Variants in ULK4 observed in about 807,000 individuals in gnomAD.
ULK4 encodes inactive serine/threonine-protein kinase ULK4.
A neutral mutation model predicts 160.6 loss-of-function variants in ULK4; 133 were observed. The observed-to-expected ratio is 0.83, with a 90% confidence interval of 0.72 to 0.96. The LOEUF is 0.96. Ranked by LOEUF, ULK4 falls within the 40% of genes least tolerant of loss-of-function variation. The pLI is 0.00. For synonymous variants in ULK4, 534 were observed against 539.8 expected (o/e 0.99, Z 0.15); for missense variants, 1,580 against 1,499.5 (o/e 1.05, Z -0.89).
chr3:41,446,179 C>T (rs1266372926), intron 34 of ULK4, among the ~76,000 whole-genome samples: 2 of 152,078 alleles, frequency 1.3e-5, no homozygotes, highest in African/African-American at 4.8e-5. Flanking sequence ...CAATGAGATA[C>T]CATCTCACAC....
chr3:41,785,570 C>T (rs73071344), intron 21 of ULK4, among the ~76,000 whole-genome samples: 20,784 of 152,040 alleles, frequency 0.14, 1,534 homozygotes, highest in Middle Eastern at 0.27. Context: ...AATATATGAG[C>T]GTCAATCCCG....
intron 17 of ULK4, among the ~76,000 whole-genome samples, chr3:41,847,847 T>G (rs1052577387): frequency 2.0e-5 from 3 of 152,200 alleles, no homozygotes; most frequent in Admixed American, 6.5e-5. Flanking sequence ...CTTCAAACTC[T>G]TGGTTTCACA....
chr3:41,438,806 G>C (rs1421113447), intron 34 of ULK4, among the ~76,000 whole-genome samples: 2 of 151,850 alleles, frequency 1.3e-5, no homozygotes, highest in African/African-American at 4.8e-5. Context: ...CTCTAGCCTG[G>C]GCAACAGAAT....
intron 2 of ULK4, among the ~76,000 whole-genome samples, chr3:41,952,391 CT>C (rs1700321229): frequency 6.6e-6 from 1 of 152,094 alleles, no homozygotes; most frequent in Admixed American, 6.6e-5. Context: ...GGGCAGAGGA[CT>C]TACAGAAATG....
At chr3:41,932,610 G>A (rs1251599149) in intron 4 of ULK4, among the ~76,000 whole-genome samples, 1 of 152,238 alleles carries the variant, frequency 6.6e-6, no homozygotes, top group Non-Finnish European at 1.5e-5. Flanking sequence ...AAGTGCTCAA[G>A]TCTGCTAATA....
chr3:41,300,550 A>C (rs2079764518), intron 35 of ULK4, among the ~76,000 whole-genome samples: 1 of 151,968 alleles, frequency 6.6e-6, no homozygotes, highest in South Asian at 2.1e-4. Flanking sequence ...TATAGTTGCT[A>C]AACACTACCC....
intron 35 of ULK4, among the ~76,000 whole-genome samples, chr3:41,328,173 T>C (rs937287746): frequency 1.3e-5 from 2 of 152,198 alleles, no homozygotes; most frequent in East Asian, 1.9e-4. Context: ...AACCTACTCC[T>C]GTCGAACATT....
At position 41,831,711 on chromosome 3, in the gene ULK4, CCT is replaced by C. The variant is rs746891442; in HGVS notation, c.1764+4151_1764+4152del. ...TTCTCCCTCCCCTTGCTCCCCATCC[CCT>C]GACAGGCCCCCATGTGTGTTGTTCC... On this transcript the variant is annotated intron_variant, in intron 18 of 36. Transcript: ENST00000301831. Among the ~76,000 whole-genome samples, 18 of 151,982 alleles carry C rather than the reference CCT, an allele frequency of 1.2e-4. No individual in the cohort carries two copies. In the East Asian group the frequency reaches 2.1e-3, roughly 18 times the overall value.
chr3:41,922,240 C>CAA (rs1318868952), intron 5 of ULK4, among the ~76,000 whole-genome samples: 1 of 152,146 alleles, frequency 6.6e-6, no homozygotes, highest in Non-Finnish European at 1.5e-5. Flanking sequence ...GTACTCCTAG[C>CAA]TACTTGGAGG....
intron 32 of ULK4, among the ~76,000 whole-genome samples, chr3:41,502,018 CA>C (rs2085227072): frequency 6.6e-6 from 1 of 152,212 alleles, no homozygotes; most frequent in Admixed American, 6.5e-5. Context: ...TGCTACAAAT[CA>C]TAGGCTTTCC....
intron 35 of ULK4, among the ~76,000 whole-genome samples, chr3:41,271,859 G>A (rs959397014): frequency 8.5e-5 from 13 of 152,074 alleles, no homozygotes; most frequent in Non-Finnish European, 1.3e-4. Context: ...TGGTAGTGTA[G>A]TTACCATTTC....
intron 27 of ULK4, among the ~76,000 whole-genome samples, chr3:41,701,235 C>T (rs754232470): frequency 2.0e-5 from 3 of 152,018 alleles, no homozygotes; most frequent in Non-Finnish European, 4.4e-5. Context: ...AGAGAATCCT[C>T]AACAGAATAA....
chr3:41,957,448 CAAAAA>C (rs11455719), intron 1 of ULK4, among the ~76,000 whole-genome samples: 1,174 of 97,252 alleles, frequency 0.012, 24 homozygotes, highest in Middle Eastern at 0.05. Flanking sequence ...GAGCACCACT[CAAAAA>C]AAAAAAAAAA....
chr3:41,494,721 C>T (rs923101871), intron 32 of ULK4, among the ~76,000 whole-genome samples: 3 of 152,122 alleles, frequency 2.0e-5, no homozygotes, highest in East Asian at 1.9e-4. Context: ...TGATAAGCAA[C>T]TTCAGCAAAG....
intron 32 of ULK4, among the ~76,000 whole-genome samples, chr3:41,484,554 G>A (rs979217151): frequency 3.3e-5 from 5 of 150,366 alleles, no homozygotes; most frequent in South Asian, 2.1e-4. Flanking sequence ...CCGGGTTCAC[G>A]CCATTCTACT....
chr3:41,320,901 A>G (rs968614538), intron 35 of ULK4, among the ~76,000 whole-genome samples: 4 of 152,226 alleles, frequency 2.6e-5, no homozygotes, highest in African/African-American at 9.6e-5. Flanking sequence ...TGGGTGACAG[A>G]GTGACACTGT....
At chr3:41,744,321 G>T (rs2038344825) in intron 22 of ULK4, among the ~76,000 whole-genome samples, 1 of 151,864 alleles carries the variant, frequency 6.6e-6, no homozygotes, top group Non-Finnish European at 1.5e-5. Flanking sequence ...TGCCTTATAT[G>T]CAATGATATA....
At chr3:41,514,011 A>G (rs1355368143) in intron 32 of ULK4, among the ~76,000 whole-genome samples, 2 of 152,232 alleles carry the variant, frequency 1.3e-5, no homozygotes, top group African/African-American at 4.8e-5. Flanking sequence ...TGCCCTTTTC[A>G]TAAAACTGGG....
At chr3:41,884,996 G>A (rs1559628646) in intron 16 of ULK4, among the ~76,000 whole-genome samples, 1 of 152,118 alleles carries the variant, frequency 6.6e-6, no homozygotes, top group African/African-American at 2.4e-5. Flanking sequence ...AGCTGGGACT[G>A]TAGGCATGCA....
Sources: gnomAD v4.1 joint callset for allele counts (sites outside exome capture counted in the v4.1 genomes callset) on GRCh38, gnomAD v4.1.1 for gene constraint, MANE v1.5 for transcripts, NCBI Gene and HGNC (gene_info 2026-07-23, HGNC 2026-07-21) for gene names.